Variants in PDE8A observed in about 807,000 individuals in gnomAD.
PDE8A encodes the protein phosphodiesterase 8A.
A neutral mutation model predicts 105.0 loss-of-function variants in PDE8A; 59 were observed. The observed-to-expected ratio is 0.56, with a 90% CI of 0.46 to 0.70. PDE8A has a LOEUF of 0.70. Among genes scored for constraint, PDE8A ranks in the 30% least tolerant of loss-of-function variants. PDE8A has a pLI of 0.00. For synonymous variants in PDE8A, 355 were observed against 371.9 expected (o/e 0.95, Z 0.52); for missense variants, 1,014 against 1,045.9 (o/e 0.97, Z 0.42).
At chr15:85,054,900 G>A (rs1432101615) in intron 1 of PDE8A, among the ~76,000 whole-genome samples, 1 of 152,176 alleles carries the variant, frequency 6.6e-6, no homozygotes, top group Admixed American at 6.5e-5. Context: ...TATTTGTGAT[G>A]TTAGGGTGTC....
intron 1 of PDE8A, among the ~76,000 whole-genome samples, chr15:85,020,352 C>T (rs1476162830): frequency 6.6e-6 from 1 of 152,148 alleles, no homozygotes; most frequent in Non-Finnish European, 1.5e-5. Flanking sequence ...GCCTGTAATC[C>T]CAGCACTTTG....
rs1373086604 is a variant in PDE8A, at chr15:85,021,336, G to C, written c.186+38988G>C. Among the ~76,000 whole-genome samples, 3 of 152,010 alleles carry C rather than the reference G, an allele frequency of 2.0e-5. No homozygotes were observed. The East Asian group carries it at 5.8e-4, about 29-fold the overall frequency. ...GTGGGAGGATTGCTTGAAGCCAGGAGTTCAAGACCAGCCTAGGTGACATAA... is the reference window on the plus strand; with the variant it reads ...GTGGGAGGATTGCTTGAAGCCAGGACTTCAAGACCAGCCTAGGTGACATAA... On this transcript the variant is annotated intron_variant, in intron 1 of 21. Coordinates refer to ENST00000394553, the MANE Select transcript of PDE8A (RefSeq NM_002605.3).
intron 1 of PDE8A, chr15:85,063,234 G>A (rs1216006089): frequency 6.6e-6 from 1 of 152,138 alleles, no homozygotes; most frequent in Admixed American, 6.5e-5. Context: ...AGCAAACTTC[G>A]TAATGTGTTT....
chr15:84,998,838 C>T (rs950010530), intron 1 of PDE8A, among the ~76,000 whole-genome samples: 1 of 152,086 alleles, frequency 6.6e-6, no homozygotes, highest in Non-Finnish European at 1.5e-5. Context: ...GGGTTAAAAC[C>T]TGTGGGCCAG....
chr15:85,111,614 C>A (rs763289505), intron 12 of PDE8A, among the ~76,000 whole-genome samples: 3 of 152,210 alleles, frequency 2.0e-5, no homozygotes, highest in Non-Finnish European at 4.4e-5. Context: ...GTGTTGATAT[C>A]TGATACCTGG....
intron 1 of PDE8A, among the ~76,000 whole-genome samples, chr15:85,002,903 C>G (rs2080088645): frequency 6.6e-6 from 1 of 152,164 alleles, no homozygotes; most frequent in African/African-American, 2.4e-5. Flanking sequence ...AATATTTTAA[C>G]AAAAGATAAG....
At chr15:85,000,774 T>C (rs2080054843) in intron 1 of PDE8A, among the ~76,000 whole-genome samples, 1 of 152,252 alleles carries the variant, frequency 6.6e-6, no homozygotes, top group Admixed American at 6.5e-5. Flanking sequence ...CTCAGCCTTC[T>C]TAGCTTTCTT....
At chr15:85,094,595 T>C (rs1445706900) in intron 8 of PDE8A, among the ~76,000 whole-genome samples, 2 of 152,236 alleles carry the variant, frequency 1.3e-5, no homozygotes, top group Non-Finnish European at 2.9e-5. Flanking sequence ...CCAATCTCTC[T>C]TCCAAATCCT....
At chr15:85,063,311 G>A (rs1235852758) in intron 1 of PDE8A, 8 of 152,200 alleles carry the variant, frequency 5.3e-5, no homozygotes, top group Non-Finnish European at 8.8e-5. Context: ...ACATTTTGTA[G>A]GAAGTCTTAT....
intron 1 of PDE8A, among the ~76,000 whole-genome samples, chr15:85,026,005 A>G (rs1026578406): frequency 3.9e-5 from 6 of 152,240 alleles, no homozygotes; most frequent in African/African-American, 1.2e-4. Flanking sequence ...GCACAGATTC[A>G]ATAGTGGAAA....
intron 11 of PDE8A, among the ~76,000 whole-genome samples, chr15:85,105,887 C>T (rs563924079): frequency 2.6e-5 from 4 of 152,136 alleles, no homozygotes; most frequent in Non-Finnish European, 4.4e-5. Flanking sequence ...TCATCTTCAA[C>T]CTCTTGGTGT....
chr15:84,991,038 T>C (rs1017220425), intron 1 of PDE8A, among the ~76,000 whole-genome samples: 1 of 152,080 alleles, frequency 6.6e-6, no homozygotes, highest in Non-Finnish European at 1.5e-5. Flanking sequence ...ATTGCTGTCT[T>C]TTTAAAGTTT....
At chr15:85,093,875 C>G (rs1354280231) in intron 8 of PDE8A, among the ~76,000 whole-genome samples, 1 of 135,040 alleles carries the variant, frequency 7.4e-6, no homozygotes, top group Non-Finnish European at 1.6e-5. Context: ...TTTTTTTTTT[C>G]TTGAGACATG....
At chr15:85,040,061 A>G (rs1051799524) in intron 1 of PDE8A, among the ~76,000 whole-genome samples, 1 of 152,250 alleles carries the variant, frequency 6.6e-6, no homozygotes, top group Non-Finnish European at 1.5e-5. Context: ...AATAATGTAT[A>G]TTTCAAAATA....
intron 13 of PDE8A, among the ~76,000 whole-genome samples, 162 bp from the exon 14 acceptor site, chr15:85,113,711 C>G (rs897228829): frequency 2.6e-5 from 4 of 152,124 alleles, no homozygotes; most frequent in African/African-American, 7.2e-5. Flanking sequence ...GAGATGTGCT[C>G]TCTCATTTCT....
chr15:84,981,751 G>A (rs1321242561), upstream of PDE8A, among the ~76,000 whole-genome samples: 1 of 151,222 alleles, frequency 6.6e-6, no homozygotes, highest in East Asian at 1.9e-4. Context: ...CCTCCCCCGG[G>A]GGTCGTGCCG....
chr15:84,987,599 G>T (rs2079824805), intron 1 of PDE8A, among the ~76,000 whole-genome samples: 1 of 150,974 alleles, frequency 6.6e-6, no homozygotes, highest in African/African-American at 2.4e-5. Context: ...AGCCTCCCGA[G>T]TAGCTGGGAT....
chr15:85,071,285 A>T (rs1254065527), intron 3 of PDE8A, among the ~76,000 whole-genome samples: 1 of 152,210 alleles, frequency 6.6e-6, no homozygotes, highest in Non-Finnish European at 1.5e-5. Flanking sequence ...AGTTGCTCTA[A>T]CCAGAGAAAC....
At chr15:85,093,849 C>G (rs1401509842) in intron 8 of PDE8A, among the ~76,000 whole-genome samples, 1 of 149,306 alleles carries the variant, frequency 6.7e-6, no homozygotes, top group Non-Finnish European at 1.5e-5. Flanking sequence ...ATTGTCAATT[C>G]TCTTTTAGAG....
Sources: allele counts gnomAD v4.1 joint callset (sites outside exome capture counted in the v4.1 genomes callset), GRCh38; gene constraint gnomAD v4.1.1; transcripts MANE v1.5; gene names NCBI Gene and HGNC (gene_info 2026-07-23, HGNC 2026-07-21).